EPHA6: variants seen among roughly 807,000 people sequenced by gnomAD.
The protein encoded by EPHA6 is ephrin type-A receptor 6.
In EPHA6, 50 loss-of-function variants were observed where a neutral mutation model predicts 112.0. That is an observed-to-expected ratio of 0.45 (90% CI 0.36 to 0.56). The LOEUF (loss-of-function observed/expected upper bound fraction) is 0.56, where lower values mean the gene tolerates loss of function less well. EPHA6 is among the 20% of genes least tolerant of loss of function. EPHA6 has a pLI of 0.00. For synonymous variants in EPHA6, 529 were observed against 490.7 expected (o/e 1.08, Z -1.03); for missense variants, 1,280 against 1,417.4 (o/e 0.90, Z 1.56).
At chr3:96,866,474 T>A (rs2036319779) in intron 1 of EPHA6, among the ~76,000 whole-genome samples, 1 of 151,934 alleles carries the variant, frequency 6.6e-6, no homozygotes, top group Non-Finnish European at 1.5e-5. Flanking sequence ...CTGAATGTGG[T>A]CTAAAAATAC....
intron 14 of EPHA6, among the ~76,000 whole-genome samples, chr3:97,641,489 A>T (rs914232749): frequency 2.6e-5 from 4 of 152,194 alleles, no homozygotes; most frequent in East Asian, 3.9e-4. Context: ...AGCGTGAGCG[A>T]CGCAGAAGAC....
chr3:96,957,103 G>A (rs2041795605), intron 2 of EPHA6, among the ~76,000 whole-genome samples: 1 of 151,604 alleles, frequency 6.6e-6, no homozygotes, highest in South Asian at 2.1e-4. Flanking sequence ...AATATTTACA[G>A]ACTTAACTGA....
intron 11 of EPHA6, among the ~76,000 whole-genome samples, chr3:97,587,606 G>A (rs1216222934): frequency 6.6e-6 from 1 of 152,080 alleles, no homozygotes; most frequent in East Asian, 1.9e-4. Context: ...ACATATTTAT[G>A]GCCAGGTTTG....
At chr3:97,531,445 T>C (rs142737383) in intron 10 of EPHA6, among the ~76,000 whole-genome samples, 1 of 152,142 alleles carries the variant, frequency 6.6e-6, no homozygotes, top group Non-Finnish European at 1.5e-5. Context: ...TTACTCCTTT[T>C]ATGCACACTG....
chr3:97,663,119 C>A (rs9873157), intron 14 of EPHA6, among the ~76,000 whole-genome samples: 1 of 151,936 alleles, frequency 6.6e-6, no homozygotes, highest in East Asian at 1.9e-4. Flanking sequence ...CAAAGACTAA[C>A]TTCAGTGTAG....
chr3:97,458,403 T>A (rs548067712), intron 7 of EPHA6, among the ~76,000 whole-genome samples: 228 of 152,320 alleles, frequency 1.5e-3, no homozygotes, highest in Non-Finnish European at 2.6e-3. Context: ...ATAGTTTTTT[T>A]AAATTAGTTA....
At chr3:97,320,772 G>A (rs1032567594) in intron 5 of EPHA6, among the ~76,000 whole-genome samples, 21 of 145,108 alleles carry the variant, frequency 1.4e-4, no homozygotes, top group Non-Finnish European at 4.4e-5. Context: ...TTCTGACCTT[G>A]ATGGGGCAGC....
intron 8 of EPHA6, among the ~76,000 whole-genome samples, chr3:97,479,033 T>C (rs766399778): frequency 2.6e-5 from 4 of 152,186 alleles, no homozygotes; most frequent in Non-Finnish European, 5.9e-5. Flanking sequence ...AGTAGTCATG[T>C]AAGGGATGGT....
chr3:97,713,738 AG>A (rs1186657389), intron 14 of EPHA6, among the ~76,000 whole-genome samples: 1 of 152,200 alleles, frequency 6.6e-6, no homozygotes, highest in African/African-American at 2.4e-5. Flanking sequence ...CCATGACCTC[AG>A]AAAGAGAATA....
chr3:97,157,528 C>T (rs2076316104), intron 3 of EPHA6, among the ~76,000 whole-genome samples: 1 of 152,030 alleles, frequency 6.6e-6, no homozygotes, highest in Non-Finnish European at 1.5e-5. Context: ...GAGACAGAGA[C>T]AGAGACACAG....
intron 3 of EPHA6, among the ~76,000 whole-genome samples, chr3:97,009,147 G>A (rs760056883): frequency 2.6e-5 from 4 of 152,098 alleles, no homozygotes; most frequent in Non-Finnish European, 5.9e-5. Context: ...TGGAGAAGGT[G>A]TGTTTTGCTG....
chr3:97,641,945 A>C (rs1285886281), intron 14 of EPHA6, among the ~76,000 whole-genome samples: 2 of 150,592 alleles, frequency 1.3e-5, no homozygotes, highest in African/African-American at 2.4e-5. Flanking sequence ...ACCACAGCTC[A>C]AGGAGGCCTG....
At chr3:97,025,087 C>G (rs1000986272) in intron 3 of EPHA6, among the ~76,000 whole-genome samples, 1 of 152,136 alleles carries the variant, frequency 6.6e-6, no homozygotes, top group Non-Finnish European at 1.5e-5. Flanking sequence ...TTTTGCCACT[C>G]ACAGGGCAAG....
At chr3:97,317,831 C>T (rs1349245079) in intron 5 of EPHA6, among the ~76,000 whole-genome samples, 1 of 151,834 alleles carries the variant, frequency 6.6e-6, no homozygotes, top group East Asian at 1.9e-4. Flanking sequence ...GAGACAGGTA[C>T]AGGGCAACAT....
intron 5 of EPHA6, among the ~76,000 whole-genome samples, chr3:97,293,299 T>G (rs2080758928): frequency 1.3e-5 from 2 of 151,208 alleles, no homozygotes; most frequent in African/African-American, 4.9e-5. Flanking sequence ...GCCATCCCAG[T>G]GAGTGTCCAG....
At chr3:97,300,446 A>G (rs1006399350) in intron 5 of EPHA6, among the ~76,000 whole-genome samples, 3 of 152,170 alleles carry the variant, frequency 2.0e-5, no homozygotes, top group African/African-American at 7.2e-5. Flanking sequence ...CCAGTCACTC[A>G]AAGTGCACCC....
chr3:97,408,151 G>A (rs545413458), intron 6 of EPHA6, among the ~76,000 whole-genome samples: 14 of 152,118 alleles, frequency 9.2e-5, no homozygotes, highest in Admixed American at 2.6e-4. Context: ...GGCCATACTT[G>A]CCTTTTCATA....
At chr3:97,098,079 G>C (rs530115002) in intron 3 of EPHA6, among the ~76,000 whole-genome samples, 1 of 152,010 alleles carries the variant, frequency 6.6e-6, no homozygotes, top group African/African-American at 2.4e-5. Context: ...CACTCTTCCA[G>C]TGCCTCATAT....
intron 3 of EPHA6, among the ~76,000 whole-genome samples, chr3:97,051,181 A>G (rs1186588944): frequency 6.6e-6 from 1 of 152,176 alleles, no homozygotes; most frequent in Admixed American, 6.6e-5. Context: ...CATTTGTTTA[A>G]CACTAAATAG....
Sources: gnomAD v4.1 joint callset for allele counts (sites outside exome capture counted in the v4.1 genomes callset) on GRCh38, gnomAD v4.1.1 for gene constraint, MANE v1.5 for transcripts, NCBI Gene and HGNC (gene_info 2026-07-23, HGNC 2026-07-21) for gene names.